The following CAPN7 variants were observed in gnomAD, a reference collection of about 807,000 sequenced individuals.
CAPN7 encodes the protein calpain-7.
In CAPN7, 72 loss-of-function variants were observed where a neutral mutation model predicts 115.2. The ratio of observed to expected loss-of-function variants is 0.63; its 90% CI spans 0.52 to 0.76. The LOEUF (loss-of-function observed/expected upper bound fraction) is 0.76, where lower values mean the gene tolerates loss of function less well. Among genes scored for constraint, CAPN7 ranks in the 30% least tolerant of loss-of-function variants. The pLI is 0.00. For synonymous variants in CAPN7, 344 were observed against 322.3 expected (o/e 1.07, Z -0.72); for missense variants, 905 against 971.5 (o/e 0.93, Z 0.91).
rs1315492025 is a variant in CAPN7 at position 15,220,822 on chromosome 3, A to T, written c.479A>T (p.Lys160Ile). 1 of 1,614,188 alleles carries T rather than the reference A, an allele frequency of 6.2e-7. No homozygotes were observed. The highest frequency in any genetic ancestry group is 8.5e-7 in the Non-Finnish European group (1 of 1,180,026). Residue 160 changes from lysine (K) to isoleucine (I), a missense_variant, in exon 5 of 21, where the codon AAA becomes ATA. This residue lies in a region of CAPN7 where 271 missense variants were observed against 239.6 expected (regional missense o/e 1.13). Coordinates refer to ENST00000253693, the MANE Select transcript of CAPN7 (RefSeq NM_014296.3). Reference protein sequence around the residue: ...LSEPLTKPVGKISSTSVKPKP... With the variant: ...LSEPLTKPVGIISSTSVKPKP... ...GAGCCTTTGACCAAGCCAGTTGGCA[A>T]AATCAGTTCAACAAGTGTTAAGCCA... is the stretch of plus-strand genomic sequence containing the variant.
chr3:15,210,732 A>G (rs775162693), intron 1 of CAPN7: 7 of 1,222,442 alleles, frequency 5.7e-6, no homozygotes, highest in Admixed American at 4.6e-5. Flanking sequence ...AGTAGCTGGG[A>G]CTACTTTGTA....
chr3:15,246,793 G>A lies in CAPN7; in HGVS notation c.2072G>A (p.Arg691Gln), dbSNP rs776786847. ...CCTTCACCATACACCTTATCAAAAC[G>A]GGTGAGAAAATTCATTTGGTTGTAA... ...KIPSPYTLSK[R>Q]INGKWSGQSA... The change falls in exon 18 of 21, where the codon CGG becomes CAG. Residue 691 changes from arginine (R) to glutamine (Q), a missense_variant and splice_region_variant. Arg to Gln is a conservative substitution (Grantham distance 43). Around this residue, in one of 3 missense-constraint regions of CAPN7, gnomAD observed 620 missense variants for 703.4 expected, o/e 0.88. Coordinates refer to ENST00000253693, the MANE Select transcript of CAPN7 (RefSeq NM_014296.3). The A allele has an allele frequency of 4.4e-6, 7 of 1,594,434 alleles. No individual in the cohort carries two copies. In the South Asian group the frequency reaches 4.5e-5, roughly 10 times the overall value.
Position 15,240,805 on chromosome 3 carries a change from A to G in CAPN7, c.1604A>G (p.Tyr535Cys). 2 of 1,613,202 alleles carry G rather than the reference A, an allele frequency of 1.2e-6. No individual in the cohort carries two copies. The highest frequency in any genetic ancestry group is 1.7e-6 in the Non-Finnish European group (2 of 1,179,308). ...CTCTGCCAGTATTATGATGTGATTT[A>G]TTTGAGTTGGAATCCAGGTCTTTTT... ...DDLCQYYDVI[Y>C]LSWNPGLFKE... The change falls in exon 14 of 21, where the codon TAT becomes TGT. Residue 535 changes from tyrosine to cysteine, a missense_variant. By Grantham distance (194) the Tyr-to-Cys change is radical. Transcript: ENST00000253693.
rs1427571659 is a variant in CAPN7, at chr3:15,210,686, C to T, written c.103-1418C>T. On this transcript the variant is annotated intron_variant, in intron 1 of 20. Transcript: ENST00000253693. ...CACAGCTCACTGCAGCCTCCACCTC[C>T]CAGGGCTCAGGTGATCCTCCCGCCT... is the stretch of plus-strand genomic sequence containing the variant. 7 of 732,868 alleles carry T rather than the reference C, an allele frequency of 9.6e-6. No homozygotes were observed. In the African/African-American group the frequency reaches 1.3e-4, roughly 14 times the overall value. The allele number at this position is 732,868 out of a possible 1,614,324, so 45.4% of individuals were successfully genotyped here.
Position 15,245,587 on chromosome 3 carries a change from A to G in CAPN7, c.1926A>G (p.Ile642Met). 6.2e-7 allele frequency: 1 copy of G among 1,614,014 alleles called. No homozygotes were observed. Among genetic ancestry groups the G allele is most frequent in the African/African-American group, 1.3e-5 (1 of 75,040 alleles). ...ACAGCCCTCATTATTTGACTAAGAT[A>G]AAGCTGACCACACCTGGCACCCATA... Reference protein sequence around the residue: ...RINSPHYLTKIKLTTPGTHTF... With the variant: ...RINSPHYLTKMKLTTPGTHTF... The change falls in exon 17 of 21, where the codon ATA becomes ATG. Residue 642 changes from isoleucine (I) to methionine (M), a missense_variant. Ile to Met is a conservative substitution (Grantham distance 10, BLOSUM62 1). Coordinates refer to ENST00000253693, the MANE Select transcript of CAPN7 (RefSeq NM_014296.3).
At chr3:15,248,182 AT>A (rs1374168520) in intron 19 of CAPN7, among the ~76,000 whole-genome samples, 8 of 151,702 alleles carry the variant, frequency 5.3e-5, no homozygotes, top group Non-Finnish European at 8.8e-5. Flanking sequence ...TAATAAAAAA[AT>A]AAATAAATAA....
At chr3:15,249,092 TACAA>T (rs967134754) in intron 19 of CAPN7, among the ~76,000 whole-genome samples, 3 of 152,012 alleles carry the variant, frequency 2.0e-5, no homozygotes, top group African/African-American at 7.2e-5. Context: ...TTGCTTTTCT[TACAA>T]ACTAATCCAG....
chr3:15,212,402 A>T (rs374625151), intron 2 of CAPN7, among the ~76,000 whole-genome samples, 190 bp downstream of exon 2: 1 of 152,208 alleles, frequency 6.6e-6, no homozygotes, highest in African/African-American at 2.4e-5. Flanking sequence ...TTTGAAGAGG[A>T]ACCTTATAGA....
intron 12 of CAPN7, among the ~76,000 whole-genome samples, chr3:15,238,933 T>C (rs1043183906): frequency 5.5e-5 from 8 of 145,146 alleles, no homozygotes. Flanking sequence ...AAAATCTACA[T>C]CCATATCTTG....
intron 18 of CAPN7, 130 bp from the exon 19 acceptor site, chr3:15,247,197 T>G: frequency 1.5e-6 from 1 of 650,232 alleles, no homozygotes; most frequent in Non-Finnish European, 2.5e-6. Flanking sequence ...CAAATAAAGA[T>G]GGGAGAGAGG....
At position 15,251,373 on chromosome 3, in the gene CAPN7, A is replaced by T; in HGVS notation, c.*113A>T. 1.1e-6 allele frequency: 1 copy of T among 927,288 alleles called. No individual in the cohort carries two copies. The highest frequency in any genetic ancestry group is 2.6e-5 in the Admixed American group (1 of 38,070). The allele number at this position is 927,288 out of a possible 1,614,324, so 57.4% of individuals were successfully genotyped here. On this transcript the variant is annotated 3_prime_UTR_variant, in exon 21 of 21. Transcript: ENST00000253693. ...CAATCAGAATGGAATTAAATCTCTAAAAACGTGTTACAGTGGAATCTGGTG... is the reference window on the plus strand; with the variant it reads ...CAATCAGAATGGAATTAAATCTCTATAAACGTGTTACAGTGGAATCTGGTG...
Position 15,241,573 on chromosome 3 carries a change from A to G in CAPN7, c.1773A>G (p.Arg591=), listed in dbSNP as rs374536753. The change falls in exon 15 of 21, where the codon AGA becomes AGG. Residue 591 remains arginine (R), a synonymous_variant. Coordinates refer to ENST00000253693, the MANE Select transcript of CAPN7 (RefSeq NM_014296.3). The part of the protein sequence containing the change: ...GGAAVWVLLS[R]HITDKDDFAN... The stretch of plus-strand genomic sequence containing the variant: ...CTGCAGTTTGGGTTTTGCTTAGTAG[A>G]CACATAACAGACAAGGTACTGATAC... 6.2e-7 allele frequency: 1 copy of G among 1,614,036 alleles called. No individual in the cohort carries two copies. The highest frequency in any genetic ancestry group is 8.5e-7 in the Non-Finnish European group (1 of 1,179,970).
chr3:15,236,662 C>T (rs975878355), intron 12 of CAPN7, among the ~76,000 whole-genome samples: 3 of 152,208 alleles, frequency 2.0e-5, no homozygotes, highest in African/African-American at 7.2e-5. Context: ...GCCTACTATA[C>T]ACCCAAGCTC....
At position 15,251,321 on chromosome 3, in the gene CAPN7, C is replaced by A; in HGVS notation, c.*61C>A. The A allele has an allele frequency of 1.5e-6, 2 of 1,347,198 alleles. No individual in the cohort carries two copies. The highest frequency in any genetic ancestry group is 1.4e-5 in the South Asian group (1 of 71,156). 83.5% of individuals were successfully genotyped at this position (1,347,198 alleles called of 1,614,324 possible). ...CAAACATCAGTTCTTCAAATAAGGA[C>A]GCAAATCTTCAGGACAGTAAGCAGA... On this transcript the variant is annotated 3_prime_UTR_variant, in exon 21 of 21. Transcript: ENST00000253693.
chr3:15,207,443 A>G (rs146192028), intron 1 of CAPN7, among the ~76,000 whole-genome samples: 3 of 152,338 alleles, frequency 2.0e-5, no homozygotes, highest in African/African-American at 7.2e-5. Context: ...CTTTATAAGC[A>G]GTGTACCCTT....
At chr3:15,206,697 C>T in intron 1 of CAPN7, 100 bp downstream of exon 1, 1 of 872,048 alleles carries the variant, frequency 1.1e-6, no homozygotes, top group Non-Finnish European at 1.7e-6. Flanking sequence ...CTAGCGGCCC[C>T]GGCTTTGCTT....
chr3:15,234,655 C>T (rs1694883766), intron 11 of CAPN7, among the ~76,000 whole-genome samples: 1 of 152,154 alleles, frequency 6.6e-6, no homozygotes, highest in Admixed American at 6.5e-5. Context: ...TTTGTCTAAA[C>T]AGTGATACAC....
At position 15,230,457 on chromosome 3, in the gene CAPN7, A is replaced by G. The variant is rs762426983; in HGVS notation, c.954A>G (p.Gln318=). 1.9e-6 allele frequency: 3 copies of G among 1,611,228 alleles called. No individual in the cohort carries two copies. Among genetic ancestry groups the G allele is most frequent in the African/African-American group, 1.3e-5 (1 of 74,988 alleles). Residue 318 remains glutamine, a synonymous_variant, in exon 9 of 21, where the codon CAA becomes CAG. Transcript: ENST00000253693. ...CTTACAAAAGCATAATTTACCCTCAAAACAAGGATGGTGAACCAGAATACA... is the reference window on the plus strand; with the variant it reads ...CTTACAAAAGCATAATTTACCCTCAGAACAAGGATGGTGAACCAGAATACA... ...KKLITGIIYP[Q]NKDGEPEYNP...
chr3:15,215,240 C>CT (rs1297015507), intron 2 of CAPN7, among the ~76,000 whole-genome samples: 1 of 152,044 alleles, frequency 6.6e-6, no homozygotes, highest in Non-Finnish European at 1.5e-5. Flanking sequence ...TAAGGCCAGC[C>CT]TGGGCAACCT....
Sources: gnomAD v4.1 joint callset for allele counts (sites outside exome capture counted in the v4.1 genomes callset) on GRCh38, gnomAD v4.1.1 for gene constraint, gnomAD v4.1.1 regional missense constraint, MANE v1.5 for transcripts, NCBI Gene and HGNC (gene_info 2026-07-23, HGNC 2026-07-21) for gene names.